Variants in PRPF3 observed in about 807,000 individuals in gnomAD.
PRPF3 encodes pre-mRNA processing factor 3.
In PRPF3, 3 loss-of-function variants were observed where a neutral mutation model predicts 89.2. That is an observed-to-expected ratio of 0.03 (90% CI 0.02 to 0.09). The LOEUF is 0.09. Among genes scored for constraint, PRPF3 ranks in the 10% least tolerant of loss-of-function variants. PRPF3 has a pLI of 1.00. For missense variants in PRPF3, 463 were observed against 828.8 expected, an observed-to-expected ratio of 0.56 and a Z score of 5.42; for synonymous variants, 270 against 289.1, an observed-to-expected ratio of 0.93 and a Z score of 0.67.
At chr1:150,338,102 A>G (rs1458346723) in intron 7 of PRPF3, 58 bp from the exon 8 acceptor site, 41 of 1,572,184 alleles carry the variant, frequency 2.6e-5, no homozygotes, top group Non-Finnish European at 3.4e-5. Context: ...GAGATTCTAC[A>G]CATTCTGTTT....
Position 150,349,093 on chromosome 1 carries a change from T to C in PRPF3, c.1844-64T>C, listed in dbSNP as rs1458464326. 4 of 1,314,662 alleles carry C rather than the reference T, an allele frequency of 3.0e-6. No homozygotes were observed. In the Admixed American group the frequency reaches 6.7e-5, roughly 22 times the overall value. 81.4% of individuals were successfully genotyped at this position (1,314,662 alleles called of 1,614,324 possible). A position where few individuals can be genotyped will look rare whatever the true frequency, so the allele number is the denominator to read the frequency against. The stretch of plus-strand genomic sequence containing the variant: ...AATATTTTAGAGAGTTTGGGTAGAC[T>C]TGAATATTATTTGTTTAGAACCTGA... On this transcript the variant is annotated intron_variant, in intron 14 of 15. Transcript: ENST00000324862.
intron 15 of PRPF3, among the ~76,000 whole-genome samples, chr1:150,350,326 C>G (rs1002939572): frequency 6.6e-6 from 1 of 152,006 alleles, no homozygotes. Context: ...CTCGGCCTCC[C>G]GAGTAGCTGG....
chr1:150,324,855 TC>T (rs1655526709), intron 1 of PRPF3, 39 bp from the exon 2 acceptor site: 3 of 1,519,078 alleles, frequency 2.0e-6, no homozygotes, highest in Non-Finnish European at 1.8e-6. Context: ...CCCACTTTAG[TC>T]TTTTCTTATT....
chr1:150,322,940 T>C (rs898348888), intron 1 of PRPF3, among the ~76,000 whole-genome samples: 2 of 150,904 alleles, frequency 1.3e-5, no homozygotes, highest in Admixed American at 6.6e-5. Context: ...AGTGGTGCGA[T>C]CTCGGCTCAC....
chr1:150,335,775 T>TGG (rs1553867339), intron 7 of PRPF3, among the ~76,000 whole-genome samples: 5 of 149,272 alleles, frequency 3.3e-5, no homozygotes, highest in African/African-American at 1.2e-4. Flanking sequence ...TTTTTTTTTT[T>TGG]GGGCGGGGAG....
intron 1 of PRPF3, among the ~76,000 whole-genome samples, chr1:150,324,220 G>A (rs1482779681): frequency 6.6e-6 from 1 of 152,178 alleles, no homozygotes; most frequent in Non-Finnish European, 1.5e-5. Context: ...CTGGAAGTAG[G>A]AAGAATGGAA....
intron 7 of PRPF3, among the ~76,000 whole-genome samples, chr1:150,337,280 C>T (rs1553868188): frequency 6.6e-6 from 1 of 151,256 alleles, no homozygotes; most frequent in East Asian, 2.0e-4. Context: ...ACCTCATGAT[C>T]CTCCCGCCTC....
chr1:150,350,826 T>G lies in PRPF3; in HGVS notation c.1905+1608T>G, dbSNP rs116607811. ...AAATACAAAAATTAGCCTGGCCTGG[T>G]GGCGTCTGCCTGTAGTCCCAGCTAC... On this transcript the variant is annotated intron_variant, in intron 15 of 15. Transcript: ENST00000324862. Among the ~76,000 whole-genome samples, 168 of 152,188 alleles carry G rather than the reference T, an allele frequency of 1.1e-3. 2 individuals are homozygous for G. The highest frequency in any genetic ancestry group is 3.9e-3 in the African/African-American group (162 of 41,526).
Position 150,322,088 on chromosome 1 carries a change from T to G in PRPF3, c.-49+496T>G, listed in dbSNP as rs117538789. Among the ~76,000 whole-genome samples the G allele has an allele frequency of 1.4e-4, 22 of 152,284 alleles. No homozygotes were observed. The East Asian group carries it at 3.9e-3, about 27-fold the overall frequency. On this transcript the variant is annotated intron_variant, in intron 1 of 15. Coordinates refer to ENST00000324862, the MANE Select transcript of PRPF3 (RefSeq NM_004698.4). ...GATTAGTGACAAGGCTAATTACCGT[T>G]TGAAACTTTTTTATCCATTGGCTGT...
chr1:150,331,063 G>A (rs1220358951), intron 4 of PRPF3, among the ~76,000 whole-genome samples: 4 of 151,364 alleles, frequency 2.6e-5, no homozygotes, highest in Middle Eastern at 6.3e-3. Flanking sequence ...ACGGAGTCTC[G>A]CTCTTGCACT....
chr1:150,346,104 A>G lies in PRPF3; in HGVS notation c.1727A>G (p.His576Arg). The G allele has an allele frequency of 6.2e-7, 1 of 1,614,210 alleles. No homozygotes were observed. Among genetic ancestry groups the G allele is most frequent in the Non-Finnish European group, 8.5e-7 (1 of 1,180,034 alleles). Reference sequence around the variant, plus strand: ...TACCTGACAGGGGTGGTGGTACTGCACAAGGATGTCAACGTGGTAGTAGTG... The same window carrying G: ...TACCTGACAGGGGTGGTGGTACTGCGCAAGGATGTCAACGTGGTAGTAGTG... ...QLYLTGVVVL[H>R]KDVNVVVVEG... The change falls in exon 13 of 16, where the codon CAC becomes CGC. Residue 576 changes from histidine to arginine, a missense_variant. Physicochemically the swap from His to Arg is conservative, Grantham distance 29. Coordinates refer to ENST00000324862, the MANE Select transcript of PRPF3 (RefSeq NM_004698.4).
intron 3 of PRPF3, 97 bp from the exon 4 acceptor site, chr1:150,328,223 T>A: frequency 6.8e-7 from 1 of 1,473,430 alleles, no homozygotes; most frequent in Non-Finnish European, 9.5e-7. Flanking sequence ...CATATTCCCC[T>A]GGGAATAGCC....
Position 150,324,890 on chromosome 1 carries a change from T to TTTTTAGGTG in PRPF3, c.-48-3_-48-2insTTAGGTGTT. The TTTTTAGGTG allele has an allele frequency of 1.3e-6, 2 of 1,579,690 alleles. No individual in the cohort carries two copies. Among genetic ancestry groups the TTTTTAGGTG allele is most frequent in the Admixed American group, 1.8e-5 (1 of 54,726 alleles). ...TTCTCTAACTTGTCTCTTTTTTTTT[T>TTTTTAGGTG]TTAGGTGTAGTATTGAGTCCTGTTT... is the stretch of plus-strand genomic sequence containing the variant. On this transcript the variant is annotated splice_region_variant and splice_polypyrimidine_tract_variant and intron_variant, in intron 1 of 15. Transcript: ENST00000324862.
intron 4 of PRPF3, among the ~76,000 whole-genome samples, chr1:150,330,991 A>C (rs1389280273): frequency 6.6e-6 from 1 of 151,996 alleles, no homozygotes; most frequent in Non-Finnish European, 1.5e-5. Flanking sequence ...TGCTGGGATT[A>C]CAGACGTGAG....
chr1:150,325,146 G>A, intron 2 of PRPF3, 59 bp downstream of exon 2: 1 of 1,580,900 alleles, frequency 6.3e-7, no homozygotes, highest in Non-Finnish European at 8.6e-7. Context: ...ACACTGCTTT[G>A]AACTTCCTCA....
chr1:150,342,757 G>A (rs782382064), intron 9 of PRPF3, among the ~76,000 whole-genome samples: 2 of 151,940 alleles, frequency 1.3e-5, no homozygotes, highest in Non-Finnish European at 2.9e-5. Context: ...TCTTGACCTC[G>A]TGATCTGCCC....
At chr1:150,337,628 A>G (rs1657172758) in intron 7 of PRPF3, among the ~76,000 whole-genome samples, 4 of 151,806 alleles carry the variant, frequency 2.6e-5, no homozygotes, top group Admixed American at 2.6e-4. Flanking sequence ...ATACAAAAAA[A>G]TGAGCCGGGC....
rs370731282 is a variant in PRPF3, at chr1:150,324,935, C to T, written c.-8C>T. 3.2e-6 allele frequency: 5 copies of T among 1,573,014 alleles called. No homozygotes were observed. The highest frequency in any genetic ancestry group is 3.5e-5 in the Admixed American group (2 of 57,292). On this transcript the variant is annotated 5_prime_UTR_variant, in exon 2 of 16. Transcript: ENST00000324862. Reference sequence around the variant, plus strand: ...CTGTTTGAGCTATTGTTCTCTTTTTCCTGAAAAATGGCACTGTCAAAGAGG... The same window carrying T: ...CTGTTTGAGCTATTGTTCTCTTTTTTCTGAAAAATGGCACTGTCAAAGAGG...
intron 14 of PRPF3, 65 bp from the exon 15 acceptor site, chr1:150,349,092 C>G (rs16836186): frequency 0.032 from 41,645 of 1,309,176 alleles, 961 homozygotes; most frequent in East Asian, 0.11. Context: ...TTTGGGTAGA[C>G]TTGAATATTA....
Sources: allele counts gnomAD v4.1 joint callset (sites outside exome capture counted in the v4.1 genomes callset), GRCh38; gene constraint gnomAD v4.1.1; transcripts MANE v1.5; gene names NCBI Gene and HGNC (gene_info 2026-07-23, HGNC 2026-07-21).